Variants in TXNL4A observed in about 807,000 individuals in gnomAD.
TXNL4A encodes the protein thioredoxin-like protein 4A.
A neutral mutation model predicts 14.6 loss-of-function variants in TXNL4A; 17 were observed. That is an observed-to-expected ratio of 1.16 (90% confidence interval 0.80 to 1.74). The LOEUF is 1.74. Ranked by LOEUF, TXNL4A falls within the 40% of genes most tolerant of loss-of-function variation. TXNL4A has a pLI of 0.00. For missense variants in TXNL4A, 74 were observed against 195.2 expected (o/e 0.38, Z 3.70); for synonymous variants, 83 against 70.6 (o/e 1.18, Z -0.88).
chr18:80,018,374 G>A (rs1404425610), intron 1 of TXNL4A, among the ~76,000 whole-genome samples: 1 of 152,100 alleles, frequency 6.6e-6, no homozygotes, highest in Non-Finnish European at 1.5e-5. Flanking sequence ...ATGCCCACAA[G>A]AGAAAGCACG....
intron 1 of TXNL4A, among the ~76,000 whole-genome samples, chr18:80,024,787 G>T (rs1305287809): frequency 6.6e-6 from 1 of 152,192 alleles, no homozygotes; most frequent in East Asian, 1.9e-4. Flanking sequence ...ACACACTTGT[G>T]CCAGGTAGCC....
chr18:80,015,384 A>C (rs1262327336), intron 1 of TXNL4A, among the ~76,000 whole-genome samples: 2 of 125,086 alleles, frequency 1.6e-5, no homozygotes, highest in Non-Finnish European at 3.6e-5. Flanking sequence ...ATTATACTTT[A>C]AGTTTTAGGG....
At chr18:80,002,364 G>A (rs912868115) in intron 1 of TXNL4A, among the ~76,000 whole-genome samples, 1 of 152,158 alleles carries the variant, frequency 6.6e-6, no homozygotes, top group Non-Finnish European at 1.5e-5. Context: ...GCCCTCCTAG[G>A]GTGATGGGAA....
intron 1 of TXNL4A, among the ~76,000 whole-genome samples, chr18:80,032,101 G>C (rs955204713): frequency 2.0e-5 from 3 of 152,206 alleles, no homozygotes; most frequent in Non-Finnish European, 2.9e-5. Flanking sequence ...GTTGCTATAA[G>C]TCTGGCCTAG....
intron 1 of TXNL4A, among the ~76,000 whole-genome samples, chr18:80,024,840 G>A (rs1163875825): frequency 1.3e-5 from 2 of 152,168 alleles, no homozygotes; most frequent in East Asian, 3.8e-4. Flanking sequence ...TAACGGCCCT[G>A]AAAAGCCAGG....
rs1188764625 is a variant in TXNL4A at position 79,993,798 on chromosome 18, C to T, written c.-60-16097G>A. Among the ~76,000 whole-genome samples the T allele has an allele frequency of 1.3e-5, 2 of 152,156 alleles. No individual in the cohort carries two copies. The highest frequency in any genetic ancestry group is 1.3e-4 in the Admixed American group (2 of 15,268). On this transcript the variant is annotated intron_variant, in intron 1 of 2. Transcript: ENST00000585474. This position sits in a 1 kb window ranked among gnomAD's most constrained non-coding sequence, Gnocchi z 4.4. ...TGTCTGGGAGGAAAGCACCTTAAGACGTGCAACAGCTCTGAGCTGGTTTTC... is the reference window on the plus strand; with the variant it reads ...TGTCTGGGAGGAAAGCACCTTAAGATGTGCAACAGCTCTGAGCTGGTTTTC...
chr18:80,001,234 A>C (rs1568374796), intron 1 of TXNL4A, among the ~76,000 whole-genome samples: 1 of 152,240 alleles, frequency 6.6e-6, no homozygotes, highest in African/African-American at 2.4e-5. Flanking sequence ...GTGGGTGCAC[A>C]GAAGTCAAGA....
chr18:80,012,052 G>A (rs971427961), intron 1 of TXNL4A, among the ~76,000 whole-genome samples: 1 of 152,064 alleles, frequency 6.6e-6, no homozygotes, highest in Non-Finnish European at 1.5e-5. Flanking sequence ...AGCTCTGGAC[G>A]CGCCTTTTAA....
intron 1 of TXNL4A, among the ~76,000 whole-genome samples, chr18:80,008,517 A>C (rs1452942717): frequency 6.6e-6 from 1 of 151,902 alleles, no homozygotes; most frequent in Non-Finnish European, 1.5e-5. Context: ...ACAATATTTT[A>C]ATTGGTTGCA....
intron 1 of TXNL4A, among the ~76,000 whole-genome samples, chr18:80,018,178 A>G (rs1307392225): frequency 6.6e-6 from 1 of 152,242 alleles, no homozygotes; most frequent in African/African-American, 2.4e-5. Flanking sequence ...AGGATTAAGA[A>G]ACTCACTCAA....
chr18:79,974,432 A>ATAC (rs1326843432), intron 2 of TXNL4A, among the ~76,000 whole-genome samples: 1 of 152,218 alleles, frequency 6.6e-6, no homozygotes, highest in African/African-American at 2.4e-5. Context: ...TTCCTCATGA[A>ATAC]TACTCATGTG....
intron 1 of TXNL4A, chr18:79,978,008 C>G: frequency 3.2e-6 from 1 of 312,448 alleles, no homozygotes. Flanking sequence ...ACATTTTTTC[C>G]CAGTGCAGCA....
chr18:79,973,367 A>T lies in TXNL4A; in HGVS notation c.*318T>A. ...AGCTCGCGGCATATGCTGTCACCGC[A>T]GCCCCAGCAAACCAACCCAGTATGC... On this transcript the variant is annotated 3_prime_UTR_variant, in exon 3 of 3. Coordinates refer to ENST00000269601, the MANE Select transcript of TXNL4A (RefSeq NM_006701.5). The T allele has an allele frequency of 3.9e-6, 1 of 254,342 alleles. No individual in the cohort carries two copies. The highest frequency in any genetic ancestry group is 1.1e-4 in the South Asian group (1 of 9,502). 15.8% of individuals were successfully genotyped at this position (254,342 alleles called of 1,614,324 possible).
upstream of TXNL4A, among the ~76,000 whole-genome samples, chr18:79,989,649 A>C (rs2145092986): frequency 6.6e-6 from 1 of 152,300 alleles, no homozygotes; most frequent in Non-Finnish European, 1.5e-5. Flanking sequence ...ATTGATAGTA[A>C]AACTCTTGTC....
chr18:79,977,522 T>C (rs1485872048), intron 2 of TXNL4A, 76 bp downstream of exon 2: 1 of 1,251,884 alleles, frequency 8.0e-7, no homozygotes, highest in Non-Finnish European at 1.1e-6. Context: ...AATAAAATAA[T>C]CTAAAGAGAT....
At chr18:80,033,603 A>G (rs2145136522) in intron 1 of TXNL4A, among the ~76,000 whole-genome samples, 1 of 152,378 alleles carries the variant, frequency 6.6e-6, no homozygotes, top group South Asian at 2.1e-4. Flanking sequence ...GGCCCTGCCC[A>G]GGTCTCCAGG....
intron 1 of TXNL4A, among the ~76,000 whole-genome samples, chr18:79,980,147 T>C (rs550624848): frequency 6.6e-6 from 1 of 152,262 alleles, no homozygotes; most frequent in African/African-American, 2.4e-5. Flanking sequence ...CAGAGGCGTC[T>C]ACAAGCCTAG....
chr18:79,976,808 T>C (rs1270108984), intron 2 of TXNL4A: 4 of 455,240 alleles, frequency 8.8e-6, no homozygotes, highest in Non-Finnish European at 1.8e-5. Context: ...AAAAACAGCA[T>C]CAGATGGTGA....
chr18:80,017,405 T>C (rs1364479887), intron 1 of TXNL4A, among the ~76,000 whole-genome samples: 1 of 151,530 alleles, frequency 6.6e-6, no homozygotes, highest in East Asian at 1.9e-4. Flanking sequence ...CTATGTTGAA[T>C]AGGAGTGGTG....
Sources: gnomAD v4.1 joint callset for allele counts (sites outside exome capture counted in the v4.1 genomes callset) on GRCh38, gnomAD v4.1.1 for gene constraint, Gnocchi (gnomAD v3.1) non-coding constraint, MANE v1.5 for transcripts, NCBI Gene and HGNC (gene_info 2026-07-23, HGNC 2026-07-21) for gene names.